Variants in ZFAND6 observed in about 807,000 individuals in gnomAD.
The protein encoded by ZFAND6 is AN1-type zinc finger protein 6.
In ZFAND6, 12 loss-of-function variants were observed where a neutral mutation model predicts 24.5. The observed-to-expected ratio is 0.49, with a 90% confidence interval of 0.31 to 0.79. ZFAND6 has a LOEUF of 0.79. Among genes scored for constraint, ZFAND6 ranks in the 30% least tolerant of loss-of-function variants. ZFAND6 has a pLI of 0.04. For missense variants in ZFAND6, 207 were observed against 245.9 expected (o/e 0.84, Z 1.06); for synonymous variants, 92 against 81.5 (o/e 1.13, Z -0.69).
chr15:80,062,995 A>C (rs1052369578), intron 1 of ZFAND6, among the ~76,000 whole-genome samples: 1 of 152,226 alleles, frequency 6.6e-6, no homozygotes, highest in African/African-American at 2.4e-5. Flanking sequence ...CATTGCTTCA[A>C]CTTTTCTACT....
At chr15:80,111,410 A>G (rs930262048) in intron 2 of ZFAND6, 2 of 419,026 alleles carry the variant, frequency 4.8e-6, no homozygotes, top group Non-Finnish European at 9.5e-6. Flanking sequence ...ATGAAAAGTC[A>G]GTCTTCCTTA....
intron 2 of ZFAND6, among the ~76,000 whole-genome samples, chr15:80,106,165 A>G (rs1419230735): frequency 6.6e-6 from 1 of 152,254 alleles, no homozygotes; most frequent in African/African-American, 2.4e-5. Context: ...CTATGACAAA[A>G]GAAAGTACTT....
chr15:80,064,434 G>T (rs911737073), intron 1 of ZFAND6, among the ~76,000 whole-genome samples: 13 of 151,748 alleles, frequency 8.6e-5, no homozygotes, highest in African/African-American at 2.2e-4. Context: ...AATTATGATG[G>T]TAAATAAACC....
At chr15:80,111,559 G>T (rs1401385718) in intron 2 of ZFAND6, 3 of 455,552 alleles carry the variant, frequency 6.6e-6, no homozygotes, top group Admixed American at 2.4e-5. Context: ...GTGGCCTCTT[G>T]GTGAGATTTA....
intron 2 of ZFAND6, among the ~76,000 whole-genome samples, chr15:80,107,606 C>T (rs1213957224): frequency 1.3e-5 from 2 of 152,078 alleles, no homozygotes; most frequent in Non-Finnish European, 2.9e-5. Flanking sequence ...GGGTGGGTCA[C>T]CTGAGGTCAG....
intron 6 of ZFAND6, 46 bp downstream of exon 6, chr15:80,131,339 A>G (rs763718806): frequency 2.6e-5 from 39 of 1,512,896 alleles, no homozygotes; most frequent in Non-Finnish European, 3.2e-5. Flanking sequence ...ATGTTTTATA[A>G]TAATGCATAG....
intron 2 of ZFAND6, among the ~76,000 whole-genome samples, chr15:80,109,905 A>ATGGTTTTGGCCC (rs1483088975): frequency 3.9e-5 from 6 of 152,220 alleles, no homozygotes; most frequent in Non-Finnish European, 7.3e-5. Context: ...CCTCAGCTGT[A>ATGGTTTTGGCCC]TGGTTTTGGC....
At chr15:80,073,421 T>G in intron 1 of ZFAND6, 1 of 206,420 alleles carries the variant, frequency 4.8e-6, no homozygotes, top group South Asian at 5.6e-5. Flanking sequence ...TACAAGAATA[T>G]TTTTTAGAGA....
At chr15:80,059,927 A>G (rs1301131888) in intron 1 of ZFAND6, 118 bp downstream of exon 1, 1 of 150,786 alleles carries the variant, frequency 6.6e-6, no homozygotes, top group Admixed American at 6.6e-5. Flanking sequence ...CCGGCGCCCG[A>G]GAGCCGGAAG....
At chr15:80,064,755 C>G (rs545838344) in intron 1 of ZFAND6, among the ~76,000 whole-genome samples, 161 of 152,238 alleles carry the variant, frequency 1.1e-3, no homozygotes, top group African/African-American at 3.4e-3. Context: ...ATTATCCCGC[C>G]TCAGCCTCCT....
intron 1 of ZFAND6, among the ~76,000 whole-genome samples, chr15:80,062,013 T>C (rs1311161973): frequency 6.8e-6 from 1 of 146,414 alleles, no homozygotes; most frequent in Admixed American, 7.9e-5. Flanking sequence ...AATGACTCTC[T>C]TACTTTGAAG....
intron 1 of ZFAND6, among the ~76,000 whole-genome samples, chr15:80,065,536 GATTTT>G (rs1567046829): frequency 2.4e-5 from 2 of 84,982 alleles, no homozygotes; most frequent in Admixed American, 1.4e-4. Flanking sequence ...TTTTGGTTTT[GATTTT>G]TTTTTTTTTT....
In ZFAND6 at chr15:80,123,515, C is replaced by T. The variant is rs141674217; in HGVS notation, c.364+715C>T. Among the ~76,000 whole-genome samples, 802 of 152,266 alleles carry T rather than the reference C, an allele frequency of 5.3e-3. 10 individuals carry two copies. Among genetic ancestry groups the T allele is most frequent in the African/African-American group, 0.018 (767 of 41,550 alleles). On this transcript the variant is annotated intron_variant, in intron 5 of 6. Coordinates refer to ENST00000261749, the MANE Select transcript of ZFAND6 (RefSeq NM_019006.4). ...TAATGAAGAGCAGTGTGTCATTCTG[C>T]CTGTGAGATGATTTACCAGTGAAAC...
intron 2 of ZFAND6, among the ~76,000 whole-genome samples, chr15:80,101,089 A>G (rs1391802011): frequency 1.3e-5 from 2 of 152,228 alleles, no homozygotes; most frequent in African/African-American, 4.8e-5. Flanking sequence ...AGGCTTTAGG[A>G]TTAAGAATTT....
chr15:80,080,242 C>CG (rs2037578120), intron 1 of ZFAND6, among the ~76,000 whole-genome samples: 1 of 152,110 alleles, frequency 6.6e-6, no homozygotes, highest in Non-Finnish European at 1.5e-5. Flanking sequence ...GGTGATCCAC[C>CG]CACTTCGGCC....
upstream of ZFAND6, among the ~76,000 whole-genome samples, chr15:80,059,077 T>G (rs567021761): frequency 2.0e-5 from 3 of 152,362 alleles, no homozygotes; most frequent in South Asian, 6.2e-4. Context: ...CATGCACGCT[T>G]CTCGTCTTGC....
Position 80,137,375 on chromosome 15 carries a change from G to T in ZFAND6, c.479-105G>T, listed in dbSNP as rs1596328771. 33 of 1,279,778 alleles carry T rather than the reference G, an allele frequency of 2.6e-5. No homozygotes were observed. The East Asian group carries it at 9.1e-4, about 35-fold the overall frequency. The allele number at this position is 1,279,778 out of a possible 1,614,324, so 79.3% of individuals were successfully genotyped here. A position where few individuals can be genotyped will look rare whatever the true frequency, so the allele number is the denominator to read the frequency against. Reference sequence around the variant, plus strand: ...ACAGTGTATTTAGAATGATTCTTTAGTTTACATTGCTGCCCTAAATATATT... The same window carrying T: ...ACAGTGTATTTAGAATGATTCTTTATTTTACATTGCTGCCCTAAATATATT... On this transcript the variant is annotated intron_variant, in intron 6 of 6. Transcript: ENST00000261749.
chr15:80,067,933 C>T (rs2036742332), intron 1 of ZFAND6, among the ~76,000 whole-genome samples: 1 of 151,926 alleles, frequency 6.6e-6, no homozygotes, highest in South Asian at 2.1e-4. Flanking sequence ...TTAAAATATA[C>T]TATTACTGTT....
intron 1 of ZFAND6, among the ~76,000 whole-genome samples, chr15:80,070,935 A>G (rs982806253): frequency 6.6e-6 from 1 of 152,114 alleles, no homozygotes; most frequent in Non-Finnish European, 1.5e-5. Context: ...TTCTTTTGCA[A>G]GAGTGTCCAC....
Sources: allele counts gnomAD v4.1 joint callset (sites outside exome capture counted in the v4.1 genomes callset), GRCh38; gene constraint gnomAD v4.1.1; transcripts MANE v1.5; gene names NCBI Gene and HGNC (gene_info 2026-07-23, HGNC 2026-07-21).